CIMAP1D: variants seen among roughly 807,000 people sequenced by gnomAD.
CIMAP1D encodes the protein protein CIMAP1D.
At chr19:485,556 T>C in the CIMAP1D span, among the ~76,000 whole-genome samples, 2 of 152,038 alleles carry the variant, frequency 1.3e-5, no homozygotes, top group Non-Finnish European at 2.9e-5. Context: ...TGGAGAAGGG[T>C]GATCAGAGAA....
the CIMAP1D span, chr19:467,537 ACT>A: frequency 2.6e-5 from 21 of 793,056 alleles, no homozygotes; most frequent in Middle Eastern, 2.3e-3. Flanking sequence ...CACTCCAAAG[ACT>A]CTGCATTCTA....
At chr19:471,868 G>A in the CIMAP1D span, among the ~76,000 whole-genome samples, 3 of 151,510 alleles carry the variant, frequency 2.0e-5, no homozygotes, top group Non-Finnish European at 2.9e-5. Context: ...TCAGCCTCCC[G>A]AGTAGCTGGG....
the CIMAP1D span, among the ~76,000 whole-genome samples, chr19:485,202 C>T: frequency 2.0e-5 from 3 of 152,184 alleles, no homozygotes; most frequent in Non-Finnish European, 2.9e-5. Context: ...ACGTAACACA[C>T]GTACACACAC....
the CIMAP1D span, among the ~76,000 whole-genome samples, chr19:477,724 A>G: frequency 1.3e-5 from 2 of 152,164 alleles, no homozygotes; most frequent in Admixed American, 1.3e-4. Flanking sequence ...GTGCAGTGGC[A>G]CGATCTCGGC....
chr19:474,800 G>A, the CIMAP1D span: 7 of 1,370,990 alleles, frequency 5.1e-6, no homozygotes, highest in South Asian at 9.6e-5. Context: ...GCTACCTTCT[G>A]AGCCGCAGCA....
At chr19:478,493 G>T in the CIMAP1D span, among the ~76,000 whole-genome samples, 2 of 150,780 alleles carry the variant, frequency 1.3e-5, no homozygotes, top group Non-Finnish European at 2.9e-5. Context: ...AGGGCCGGCA[G>T]CCTCGCCAGA....
chr19:487,891 A>T, the CIMAP1D span, among the ~76,000 whole-genome samples: 1 of 152,084 alleles, frequency 6.6e-6, no homozygotes, highest in Non-Finnish European at 1.5e-5. Flanking sequence ...TTAAAGAGCG[A>T]CCCCTGACCT....
chr19:477,316 G>A, the CIMAP1D span, among the ~76,000 whole-genome samples: 5 of 152,248 alleles, frequency 3.3e-5, no homozygotes, highest in African/African-American at 7.2e-5. Context: ...GCTCATGCCT[G>A]TAATCCCAGC....
At chr19:472,405 C>T in the CIMAP1D span, 1 of 1,538,902 alleles carries the variant, frequency 6.5e-7, no homozygotes, top group Non-Finnish European at 8.8e-7. Context: ...CTCACTGGGC[C>T]TCCGGACGAG....
the CIMAP1D span, chr19:463,760 T>A: frequency 3.8e-3 from 5,747 of 1,517,416 alleles, 178 homozygotes; most frequent in African/African-American, 0.071. Context: ...CCAGCCCCTC[T>A]CGCCTTCTAG....
chr19:480,503 A>AAAACAAT, the CIMAP1D span, among the ~76,000 whole-genome samples: 3 of 101,176 alleles, frequency 3.0e-5, no homozygotes, highest in African/African-American at 2.4e-4. Flanking sequence ...AGGATGATGG[A>AAAACAAT]GAAGGATGAT....
chr19:483,687 C>T, the CIMAP1D span, among the ~76,000 whole-genome samples: 1 of 152,222 alleles, frequency 6.6e-6, no homozygotes, highest in Non-Finnish European at 1.5e-5. Flanking sequence ...CTGGGATGTC[C>T]ACAGGGCCTG....
chr19:467,837 C>T, the CIMAP1D span: 1 of 929,426 alleles, frequency 1.1e-6, no homozygotes, highest in East Asian at 2.6e-5. Context: ...CTCAGTGCCC[C>T]TCTTGGCCCC....
At chr19:485,792 G>A in the CIMAP1D span, among the ~76,000 whole-genome samples, 19 of 152,300 alleles carry the variant, frequency 1.2e-4, 1 homozygote, top group East Asian at 1.5e-3. Context: ...CCTGGCACAC[G>A]GCACAGCAGG....
the CIMAP1D span, among the ~76,000 whole-genome samples, chr19:469,917 G>A: frequency 6.6e-6 from 1 of 151,948 alleles, no homozygotes; most frequent in Non-Finnish European, 1.5e-5. Context: ...TCAGTGCCCC[G>A]TGAGAAATGA....
chr19:486,915 A>G, the CIMAP1D span, among the ~76,000 whole-genome samples: 1 of 151,964 alleles, frequency 6.6e-6, no homozygotes, highest in African/African-American at 2.4e-5. Context: ...CTCCATCTCA[A>G]AAAAAAGAAG....
chr19:472,793 A>G, the CIMAP1D span, among the ~76,000 whole-genome samples: 1 of 151,406 alleles, frequency 6.6e-6, no homozygotes, highest in Admixed American at 6.6e-5. Flanking sequence ...AGGTGGGGAA[A>G]CTGAGGCCTG....
At chr19:488,479 G>A in the CIMAP1D span, among the ~76,000 whole-genome samples, 2 of 152,206 alleles carry the variant, frequency 1.3e-5, no homozygotes, top group African/African-American at 2.4e-5. Flanking sequence ...CCGAGATGGC[G>A]CCACTGCACT....
the CIMAP1D span, among the ~76,000 whole-genome samples, chr19:476,788 G>T: frequency 2.0e-5 from 3 of 152,084 alleles, no homozygotes; most frequent in Non-Finnish European, 4.4e-5. Context: ...ACGCATCAAA[G>T]AAGTCATCAC....
Sources: allele counts gnomAD v4.1 joint callset (sites outside exome capture counted in the v4.1 genomes callset), GRCh38; gene constraint gnomAD v4.1.1; transcripts MANE v1.5; gene names NCBI Gene and HGNC (gene_info 2026-07-23, HGNC 2026-07-21).